Variants in NECTIN3 observed in about 807,000 individuals in gnomAD.
NECTIN3 encodes nectin cell adhesion molecule 3.
NECTIN3 carries 8 observed loss-of-function variants against 49.4 expected under a neutral mutation model. The observed-to-expected ratio is 0.16, with a 90% CI of 0.10 to 0.29. The LOEUF is 0.29. NECTIN3 is among the 10% of genes least tolerant of loss of function. NECTIN3 has a pLI of 1.00. For missense variants in NECTIN3, 581 were observed against 654.6 expected (o/e 0.89, Z 1.23); for synonymous variants, 277 against 241.1 (o/e 1.15, Z -1.38).
At chr3:111,091,677 A>G (rs1402735525) in intron 1 of NECTIN3, among the ~76,000 whole-genome samples, 1 of 152,200 alleles carries the variant, frequency 6.6e-6, no homozygotes, top group African/African-American at 2.4e-5. Context: ...TTATGTAGAT[A>G]TCACATTTGT....
Position 111,094,061 on chromosome 3 carries a change from G to A in NECTIN3, c.161-17969G>A, listed in dbSNP as rs541695646. ...TAAAAGATATTATGATTTTATTAAG[G>A]AAAGGAAAAGACAAAAACAAACTGT... On this transcript the variant is annotated intron_variant, in intron 1 of 5. Transcript: ENST00000485303. Among the ~76,000 whole-genome samples, 5 of 151,732 alleles carry A rather than the reference G, an allele frequency of 3.3e-5. No individual in the cohort carries two copies. The South Asian group carries it at 1.0e-3, about 32-fold the overall frequency.
At chr3:111,096,991 C>G (rs1165719118) in intron 1 of NECTIN3, among the ~76,000 whole-genome samples, 1 of 152,142 alleles carries the variant, frequency 6.6e-6, no homozygotes, top group African/African-American at 2.4e-5. Flanking sequence ...CCACTGTCCT[C>G]CAGACCCCAG....
In NECTIN3 at chr3:111,184,454, T is replaced by C. The variant is rs2035683978; in HGVS notation, c.1222-7897T>C. On this transcript the variant is annotated intron_variant, in intron 7 of 8. Transcript: ENST00000493615. Reference sequence around the variant, plus strand: ...CAGCCCCACTTTTCTCTCTGCGTTGTATGCTTGCCTGGCCTTCTGCTTTCC... The same window carrying C: ...CAGCCCCACTTTTCTCTCTGCGTTGCATGCTTGCCTGGCCTTCTGCTTTCC... Among the ~76,000 whole-genome samples, 4 of 152,326 alleles carry C rather than the reference T, an allele frequency of 2.6e-5. No individual in the cohort carries two copies. The South Asian group carries it at 8.3e-4, about 32-fold the overall frequency.
intron 1 of NECTIN3, among the ~76,000 whole-genome samples, chr3:111,096,656 C>T (rs759371921): frequency 2.0e-5 from 3 of 152,114 alleles, no homozygotes; most frequent in African/African-American, 4.8e-5. Flanking sequence ...TAGTATACTG[C>T]GTCCCAGCCG....
chr3:111,183,460 C>G (rs574178540), intron 7 of NECTIN3, among the ~76,000 whole-genome samples: 2 of 152,000 alleles, frequency 1.3e-5, no homozygotes, highest in Non-Finnish European at 2.9e-5. Flanking sequence ...TAGAGGCGCC[C>G]GCCACCACAC....
intron 1 of NECTIN3, among the ~76,000 whole-genome samples, chr3:111,085,120 C>T (rs370025282): frequency 6.6e-6 from 1 of 152,184 alleles, no homozygotes; most frequent in South Asian, 2.1e-4. Context: ...CTCAATAGGA[C>T]AAAAGTCATA....
At chr3:111,094,057 TAAGGA>T (rs900950823) in intron 1 of NECTIN3, among the ~76,000 whole-genome samples, 18 of 152,168 alleles carry the variant, frequency 1.2e-4, no homozygotes, top group African/African-American at 4.1e-4. Flanking sequence ...ATGATTTTAT[TAAGGA>T]AAGGAAAAGA....
intron 7 of NECTIN3, among the ~76,000 whole-genome samples, chr3:111,153,070 A>C (rs1313566145): frequency 6.6e-6 from 1 of 151,900 alleles, no homozygotes; most frequent in East Asian, 1.9e-4. Context: ...AAGAGTTAAC[A>C]TTTTTTTCCA....
intron 1 of NECTIN3, among the ~76,000 whole-genome samples, chr3:111,077,950 G>A (rs927436070): frequency 2.6e-5 from 4 of 152,102 alleles, no homozygotes; most frequent in African/African-American, 9.7e-5. Flanking sequence ...AGAAATAGGT[G>A]AAATTAATCT....
intron 7 of NECTIN3, among the ~76,000 whole-genome samples, chr3:111,170,508 A>G (rs1426040665): frequency 1.3e-5 from 2 of 152,230 alleles, no homozygotes; most frequent in Non-Finnish European, 2.9e-5. Context: ...ATTCAGGACC[A>G]TAGAAATAGG....
chr3:111,174,033 G>T (rs2035481129), intron 7 of NECTIN3, among the ~76,000 whole-genome samples: 1 of 152,060 alleles, frequency 6.6e-6, no homozygotes, highest in Non-Finnish European at 1.5e-5. Flanking sequence ...TAGGATCTGG[G>T]TGGCTCTGTA....
Position 111,122,022 on chromosome 3 carries a change from T to C in NECTIN3, c.800-99T>C, listed in dbSNP as rs991317267. 80 of 817,510 alleles carry C rather than the reference T, an allele frequency of 9.8e-5. No individual in the cohort carries two copies. In the Admixed American group the frequency reaches 1.7e-3, roughly 18 times the overall value. The allele number at this position is 817,510 out of a possible 1,614,324, so 50.6% of individuals were successfully genotyped here. ...TGAGACTAAGGAAAAATGGTTCCTG[T>C]TATTCTAAGGCTTTGTCTATTATCT... On this transcript the variant is annotated intron_variant, in intron 3 of 5. Transcript: ENST00000485303.
chr3:111,177,128 A>C (rs1430220721), intron 7 of NECTIN3, among the ~76,000 whole-genome samples: 1 of 152,146 alleles, frequency 6.6e-6, no homozygotes, highest in Non-Finnish European at 1.5e-5. Flanking sequence ...TTAGCTTTGA[A>C]ATTACTTATG....
intron 7 of NECTIN3, among the ~76,000 whole-genome samples, chr3:111,174,812 T>C (rs971420326): frequency 2.0e-5 from 3 of 152,166 alleles, no homozygotes; most frequent in Non-Finnish European, 4.4e-5. Flanking sequence ...TTAGCCCTGC[T>C]GTCTGTAGAC....
intron 7 of NECTIN3, chr3:111,147,517 A>G (rs1161769931): frequency 4.9e-6 from 7 of 1,428,588 alleles, no homozygotes; most frequent in Non-Finnish European, 6.6e-6. Flanking sequence ...AAGATAATGT[A>G]AGATACAATT....
chr3:111,127,544 A>T (rs1324673948), intron 5 of NECTIN3, among the ~76,000 whole-genome samples: 1 of 147,228 alleles, frequency 6.8e-6, no homozygotes, highest in Non-Finnish European at 1.5e-5. Flanking sequence ...TGCCAGTATC[A>T]GTACTTTGGT....
At chr3:111,144,957 T>G in exon 6 of NECTIN3, 1 of 1,536,346 alleles carries the variant, frequency 6.5e-7, no homozygotes, top group South Asian at 1.2e-5. Flanking sequence ...TTGGAGCTGT[T>G]CTTGCCCTTT....
intron 7 of NECTIN3, among the ~76,000 whole-genome samples, chr3:111,183,871 C>T (rs2035672178): frequency 6.6e-6 from 1 of 151,972 alleles, no homozygotes; most frequent in Admixed American, 6.6e-5. Flanking sequence ...TTTGGGGGTT[C>T]ACTGAGCTTC....
intron 7 of NECTIN3, among the ~76,000 whole-genome samples, chr3:111,159,864 T>A (rs1289315441): frequency 6.6e-6 from 1 of 152,218 alleles, no homozygotes; most frequent in Non-Finnish European, 1.5e-5. Context: ...TAAGCTACAT[T>A]TATTAAGAAC....
Sources: allele counts gnomAD v4.1 joint callset (sites outside exome capture counted in the v4.1 genomes callset), GRCh38; gene constraint gnomAD v4.1.1; transcripts MANE v1.5; gene names NCBI Gene and HGNC (gene_info 2026-07-23, HGNC 2026-07-21).